MARCHF1: variants seen among roughly 807,000 people sequenced by gnomAD.
The protein encoded by MARCHF1 is membrane associated ring-CH-type finger 1, also known as E3 ubiquitin-protein ligase MARCHF1.
Under a neutral mutation model 54.2 loss-of-function variants are expected in MARCHF1, and 40 were observed. That is an observed-to-expected ratio of 0.74 (90% CI 0.57 to 0.96). MARCHF1 has a LOEUF of 0.96. Ranked by LOEUF, MARCHF1 falls within the 40% of genes least tolerant of loss-of-function variation. MARCHF1 has a pLI of 0.00. For synonymous variants in MARCHF1, 236 were observed against 236.3 expected (o/e 1.00, Z 0.01); for missense variants, 586 against 656.5 (o/e 0.89, Z 1.17).
chr4:164,317,472 C>T (rs550625806), intron 1 of MARCHF1, among the ~76,000 whole-genome samples: 1 of 152,278 alleles, frequency 6.6e-6, no homozygotes, highest in East Asian at 1.9e-4. Flanking sequence ...GGTGCCTACA[C>T]ATACAACTGT....
At chr4:164,060,257 G>T (rs1403575105) in intron 2 of MARCHF1, among the ~76,000 whole-genome samples, 1 of 151,956 alleles carries the variant, frequency 6.6e-6, no homozygotes, top group Non-Finnish European at 1.5e-5. Context: ...CTGAAGACTG[G>T]CATTTTAAAC....
At chr4:164,297,034 A>AACT (rs1734428736) in intron 1 of MARCHF1, among the ~76,000 whole-genome samples, 1 of 152,174 alleles carries the variant, frequency 6.6e-6, no homozygotes, top group Non-Finnish European at 1.5e-5. Context: ...GAGTTTCCAT[A>AACT]CCGTTAAAAT....
chr4:163,914,555 A>G (rs1383266880), intron 3 of MARCHF1, among the ~76,000 whole-genome samples: 2 of 152,156 alleles, frequency 1.3e-5, no homozygotes, highest in East Asian at 1.9e-4. Context: ...TTTAAACACA[A>G]TAAAAGTAAA....
intron 5 of MARCHF1, among the ~76,000 whole-genome samples, chr4:163,690,662 T>C (rs572993539): frequency 2.3e-4 from 35 of 152,180 alleles, no homozygotes; most frequent in Non-Finnish European, 4.7e-4. Context: ...TTAAGGACCA[T>C]ATTACTGAAG....
At chr4:163,702,981 A>G (rs959481692) in intron 4 of MARCHF1, among the ~76,000 whole-genome samples, 3 of 152,322 alleles carry the variant, frequency 2.0e-5, no homozygotes, top group African/African-American at 7.2e-5. Flanking sequence ...ACTGCCTTGC[A>G]ATGAGAACTC....
intron 8 of MARCHF1, among the ~76,000 whole-genome samples, chr4:163,556,989 A>G (rs909488262): frequency 1.3e-5 from 2 of 151,854 alleles, no homozygotes; most frequent in Admixed American, 6.6e-5. Context: ...AAGGTCCATG[A>G]TTTTCAATGG....
chr4:163,580,444 A>G lies in MARCHF1; in HGVS notation c.1191+5305T>C, dbSNP rs114638389. On this transcript the variant is annotated intron_variant, in intron 8 of 9. Coordinates refer to ENST00000514618, the MANE Select transcript of MARCHF1 (RefSeq NM_001394959.1). ...ATGTTGTTTAAAGCAGAAAAGGAGTAGCTACATTAAATGTTGAATAAGGAC... is the reference window on the plus strand; with the variant it reads ...ATGTTGTTTAAAGCAGAAAAGGAGTGGCTACATTAAATGTTGAATAAGGAC... Among the ~76,000 whole-genome samples the G allele has an allele frequency of 1.6e-3, 251 of 152,306 alleles. 1 individual carries two copies. The highest frequency in any genetic ancestry group is 5.6e-3 in the African/African-American group (232 of 41,554).
intron 5 of MARCHF1, among the ~76,000 whole-genome samples, chr4:163,650,710 TA>T (rs1742933500): frequency 6.6e-6 from 1 of 151,936 alleles, no homozygotes; most frequent in Non-Finnish European, 1.5e-5. Flanking sequence ...TCACAATAGG[TA>T]ATTCATTTTC....
At position 164,056,433 on chromosome 4, in the gene MARCHF1, C is replaced by G. The variant is rs180685229; in HGVS notation, c.-248+55155G>C. 5.3e-5 allele frequency among the ~76,000 whole-genome samples: 8 copies of G among 152,256 alleles called. No individual in the cohort carries two copies. In the East Asian group the frequency reaches 9.6e-4, roughly 18 times the overall value. ...ATTTGAGACAAAGTTTCCATGAGAACCTTTAGATTCTCACTTGGGTTCCTT... is the reference window on the plus strand; with the variant it reads ...ATTTGAGACAAAGTTTCCATGAGAAGCTTTAGATTCTCACTTGGGTTCCTT... On this transcript the variant is annotated intron_variant, in intron 2 of 9. Coordinates refer to ENST00000514618, the MANE Select transcript of MARCHF1 (RefSeq NM_001394959.1).
chr4:163,820,235 T>G (rs1748653835), intron 4 of MARCHF1, among the ~76,000 whole-genome samples: 1 of 152,074 alleles, frequency 6.6e-6, no homozygotes, highest in Non-Finnish European at 1.5e-5. Flanking sequence ...TCTTCTTACC[T>G]GACCTCTCAT....
At chr4:163,971,716 A>T (rs1227252587) in intron 3 of MARCHF1, among the ~76,000 whole-genome samples, 1 of 152,226 alleles carries the variant, frequency 6.6e-6, no homozygotes. Context: ...ACAATAAAAC[A>T]GAACCTTTGT....
intron 1 of MARCHF1, among the ~76,000 whole-genome samples, chr4:164,307,654 C>T (rs1734732476): frequency 6.6e-6 from 1 of 152,222 alleles, no homozygotes; most frequent in South Asian, 2.1e-4. Context: ...AACAAAAATG[C>T]TCCTCTTGTG....
intron 1 of MARCHF1, among the ~76,000 whole-genome samples, chr4:164,304,876 G>A (rs1171156440): frequency 6.6e-6 from 1 of 152,142 alleles, no homozygotes; most frequent in Admixed American, 6.5e-5. Context: ...TTGCTTGTGG[G>A]AAGAAGGAAG....
In MARCHF1 at chr4:163,886,799, C is replaced by A. The variant is rs150673769; in HGVS notation, c.-38-32630G>T. Among the ~76,000 whole-genome samples the A allele has an allele frequency of 3.6e-3, 543 of 152,188 alleles. 7 individuals are homozygous for A. The highest frequency in any genetic ancestry group is 0.012 in the African/African-American group (506 of 41,522). On this transcript the variant is annotated intron_variant, in intron 3 of 9. Transcript: ENST00000514618. ...ATGATAATAAAGTCAAAGCCAAGAG[C>A]AACACCAGGCTTCATGCATGAGGAA...
chr4:163,740,849 G>GATAC (rs1746174716), intron 4 of MARCHF1, among the ~76,000 whole-genome samples: 1 of 152,146 alleles, frequency 6.6e-6, no homozygotes, highest in South Asian at 2.1e-4. Context: ...GTTCACAAAA[G>GATAC]ATACATAGTG....
intron 3 of MARCHF1, among the ~76,000 whole-genome samples, chr4:163,987,931 T>G (rs565146076): frequency 1.6e-4 from 24 of 152,182 alleles, no homozygotes; most frequent in Non-Finnish European, 3.2e-4. Flanking sequence ...CTTTTTGTCA[T>G]GAGGAACAAA....
At chr4:164,101,193 C>T (rs956966364) in intron 2 of MARCHF1, among the ~76,000 whole-genome samples, 3 of 152,210 alleles carry the variant, frequency 2.0e-5, no homozygotes, top group African/African-American at 7.2e-5. Context: ...GGGAGGGGCA[C>T]CCGCCATTGC....
In MARCHF1 at chr4:164,349,521, A is replaced by G. The variant is rs576724938; in HGVS notation, c.-323+34349T>C. Among the ~76,000 whole-genome samples, 3 of 152,252 alleles carry G rather than the reference A, an allele frequency of 2.0e-5. No individual in the cohort carries two copies. In the East Asian group the frequency reaches 5.8e-4, roughly 29 times the overall value. On this transcript the variant is annotated intron_variant, in intron 1 of 9. Transcript: ENST00000514618. Reference sequence around the variant, plus strand: ...CTTTTTTCTAATATATATCCTTTTCAAAGTACAGTACTTATTTTCTAGTAT... The same window carrying G: ...CTTTTTTCTAATATATATCCTTTTCGAAGTACAGTACTTATTTTCTAGTAT...
At chr4:163,869,317 G>C (rs1370350126) in intron 3 of MARCHF1, among the ~76,000 whole-genome samples, 1 of 152,070 alleles carries the variant, frequency 6.6e-6, no homozygotes, top group African/African-American at 2.4e-5. Context: ...TGTTCTTTAG[G>C]AAATTTGTCA....
Sources: gnomAD v4.1 joint callset for allele counts (sites outside exome capture counted in the v4.1 genomes callset) on GRCh38, gnomAD v4.1.1 for gene constraint, MANE v1.5 for transcripts, NCBI Gene and HGNC (gene_info 2026-07-23, HGNC 2026-07-21) for gene names.